PCDH9: variants seen among roughly 807,000 people sequenced by gnomAD.
PCDH9 encodes the protein protocadherin-9.
Under a neutral mutation model 70.6 loss-of-function variants are expected in PCDH9, and 24 were observed. That is an observed-to-expected ratio of 0.34 (90% confidence interval 0.25 to 0.48). The LOEUF is 0.48. PCDH9 is among the 20% of genes least tolerant of loss of function. The pLI is 0.99. For missense variants in PCDH9, 1,281 were observed against 1,503.6 expected (o/e 0.85, Z 2.45); for synonymous variants, 562 against 558.5 (o/e 1.01, Z -0.09).
intron 2 of PCDH9, among the ~76,000 whole-genome samples, chr13:67,164,454 A>G (rs1406933271): frequency 6.6e-6 from 1 of 151,828 alleles, no homozygotes; most frequent in African/African-American, 2.4e-5. Flanking sequence ...AGGCACCTAT[A>G]ATCCCAGCTA....
At chr13:66,737,630 TG>T (rs1319430908) in intron 3 of PCDH9, among the ~76,000 whole-genome samples, 3 of 152,128 alleles carry the variant, frequency 2.0e-5, no homozygotes. Context: ...CGCAGGCCAG[TG>T]GGTGCGCGCA....
chr13:66,689,431 G>A (rs2139079814), intron 3 of PCDH9, among the ~76,000 whole-genome samples: 2 of 152,278 alleles, frequency 1.3e-5, no homozygotes, highest in Middle Eastern at 6.8e-3. Flanking sequence ...TAGGGAAAAA[G>A]CGTGGAGTAC....
At chr13:66,450,541 G>C (rs959049962) in intron 4 of PCDH9, among the ~76,000 whole-genome samples, 5 of 152,164 alleles carry the variant, frequency 3.3e-5, no homozygotes, top group African/African-American at 1.2e-4. Flanking sequence ...ACAGTGGAGA[G>C]CAGTGGGGAG....
At chr13:67,015,856 A>T (rs1594394186) in intron 2 of PCDH9, among the ~76,000 whole-genome samples, 1 of 152,142 alleles carries the variant, frequency 6.6e-6, no homozygotes, top group African/African-American at 2.4e-5. Flanking sequence ...TATAGCTCTC[A>T]GCTACTTCTG....
At chr13:66,788,127 C>G (rs572208367) in intron 3 of PCDH9, among the ~76,000 whole-genome samples, 4 of 152,110 alleles carry the variant, frequency 2.6e-5, no homozygotes, top group Non-Finnish European at 5.9e-5. Context: ...TAATTTATTT[C>G]TTCACAATCC....
At chr13:67,150,056 A>G (rs1273879815) in intron 2 of PCDH9, among the ~76,000 whole-genome samples, 1 of 151,978 alleles carries the variant, frequency 6.6e-6, no homozygotes, top group Admixed American at 6.6e-5. Flanking sequence ...TTTTATTTTT[A>G]TTTTTTTGAT....
chr13:66,551,275 T>G (rs756668799), intron 4 of PCDH9, among the ~76,000 whole-genome samples: 9 of 152,118 alleles, frequency 5.9e-5, no homozygotes, highest in Non-Finnish European at 1.3e-4. Context: ...TTGTTATTTT[T>G]TATAGGGACG....
At chr13:66,835,034 T>C (rs893788962) in intron 3 of PCDH9, among the ~76,000 whole-genome samples, 1 of 152,312 alleles carries the variant, frequency 6.6e-6, no homozygotes, top group Admixed American at 6.5e-5. Context: ...TTTATTTACA[T>C]ATGCAGGCTT....
intron 2 of PCDH9, among the ~76,000 whole-genome samples, chr13:67,128,885 C>G (rs2087041710): frequency 6.6e-6 from 1 of 152,094 alleles, no homozygotes; most frequent in Admixed American, 6.6e-5. Context: ...TTTACTAAAA[C>G]CCATCTACTC....
intron 2 of PCDH9, among the ~76,000 whole-genome samples, chr13:67,080,159 G>C (rs768273963): frequency 2.6e-5 from 4 of 152,108 alleles, no homozygotes; most frequent in Non-Finnish European, 5.9e-5. Flanking sequence ...TATTGACTCA[G>C]AACGCACCTC....
chr13:66,801,403 G>A (rs974950668), intron 3 of PCDH9, among the ~76,000 whole-genome samples: 1 of 152,050 alleles, frequency 6.6e-6, no homozygotes, highest in South Asian at 2.1e-4. Flanking sequence ...TGCTCATTGA[G>A]ACTGATTAAT....
chr13:67,004,407 C>T (rs904465954), intron 2 of PCDH9, among the ~76,000 whole-genome samples: 2 of 151,816 alleles, frequency 1.3e-5, no homozygotes, highest in Non-Finnish European at 2.9e-5. Context: ...CCTGTCTCCA[C>T]TAAAAATCCA....
At chr13:67,217,185 ACATT>A (rs2089627565) in intron 2 of PCDH9, 1 of 152,006 alleles carries the variant, frequency 6.6e-6, no homozygotes, top group Non-Finnish European at 1.5e-5. Flanking sequence ...TCAGCAGAAG[ACATT>A]CTCCTTCTAT....
intron 2 of PCDH9, among the ~76,000 whole-genome samples, chr13:67,098,376 A>G (rs533151857): frequency 1.3e-5 from 2 of 152,300 alleles, no homozygotes; most frequent in South Asian, 4.1e-4. Context: ...AAAAATGAAT[A>G]TATGCTTTAG....
intron 2 of PCDH9, among the ~76,000 whole-genome samples, chr13:67,079,424 C>A (rs899273194): frequency 1.3e-5 from 2 of 152,028 alleles, no homozygotes; most frequent in Admixed American, 6.6e-5. Context: ...ATCTAAGGGA[C>A]CTGGTTAGTG....
At chr13:66,674,133 C>CAT (rs2078212871) in intron 3 of PCDH9, among the ~76,000 whole-genome samples, 3 of 151,528 alleles carry the variant, frequency 2.0e-5, no homozygotes, top group African/African-American at 7.3e-5. Context: ...ACAGATTTTC[C>CAT]CACCATCAAA....
intron 2 of PCDH9, among the ~76,000 whole-genome samples, chr13:67,067,960 A>G (rs2085683788): frequency 6.6e-6 from 1 of 152,160 alleles, no homozygotes; most frequent in South Asian, 2.1e-4. Flanking sequence ...ATTTGGTTAG[A>G]ACCAGTTGTG....
rs1555270026 is a variant in PCDH9, at chr13:66,797,960, G to GTGTGTGTGT, written c.3138+105543_3138+105544insACACACACA. 6.3e-3 allele frequency among the ~76,000 whole-genome samples: 928 copies of GTGTGTGTGT among 147,254 alleles called. 13 individuals are homozygous for GTGTGTGTGT. Among genetic ancestry groups the GTGTGTGTGT allele is most frequent in the African/African-American group, 0.022 (877 of 40,020 alleles). Reference sequence around the variant, plus strand: ...TGTGTTCTGTTTTTGTTTCTTGGGGGGTGTGTGTGTGTGTGTGTGTGTGTA... The same window carrying GTGTGTGTGT: ...TGTGTTCTGTTTTTGTTTCTTGGGGGTGTGTGTGTGTGTGTGTGTGTGTGTGTGTGTGTA... On this transcript the variant is annotated intron_variant, in intron 3 of 4. Coordinates refer to ENST00000377865, the MANE Select transcript of PCDH9 (RefSeq NM_203487.3).
At chr13:66,896,217 TG>T (rs2082176196) in intron 3 of PCDH9, among the ~76,000 whole-genome samples, 1 of 152,174 alleles carries the variant, frequency 6.6e-6, no homozygotes, top group Non-Finnish European at 1.5e-5. Context: ...AATACTGAAC[TG>T]GTGGAAAATC....
Sources: allele counts gnomAD v4.1 joint callset (sites outside exome capture counted in the v4.1 genomes callset), GRCh38; gene constraint gnomAD v4.1.1; transcripts MANE v1.5; gene names NCBI Gene and HGNC (gene_info 2026-07-23, HGNC 2026-07-21).